SYNE3: variants seen among roughly 807,000 people sequenced by gnomAD.
SYNE3 encodes the protein nesprin-3.
A neutral mutation model predicts 111.2 loss-of-function variants in SYNE3; 100 were observed. That is an observed-to-expected ratio of 0.90 (90% CI 0.77 to 1.06). The LOEUF (loss-of-function observed/expected upper bound fraction) is 1.06. SYNE3 is among the 50% of genes least tolerant of loss of function. The pLI is 0.00. For missense variants in SYNE3, 1,160 were observed against 1,240.3 expected, an observed-to-expected ratio of 0.94 and a Z score of 0.97; for synonymous variants, 547 against 533.9, an observed-to-expected ratio of 1.02 and a Z score of -0.34.
At chr14:95,476,890 C>A (rs57813737) in intron 1 of SYNE3, among the ~76,000 whole-genome samples, 34,548 of 152,116 alleles carry the variant, frequency 0.23, 4,202 homozygotes, top group East Asian at 0.41. Flanking sequence ...AACCCACATG[C>A]CTAATTATAG....
chr14:95,420,680 C>A (rs1053750840), intron 17 of SYNE3, among the ~76,000 whole-genome samples: 1 of 151,890 alleles, frequency 6.6e-6, no homozygotes, highest in African/African-American at 2.4e-5. Flanking sequence ...AAATAAGACA[C>A]CTTTCAATAT....
At chr14:95,472,571 A>G (rs947666047) in intron 2 of SYNE3, among the ~76,000 whole-genome samples, 1 of 152,184 alleles carries the variant, frequency 6.6e-6, no homozygotes, top group Non-Finnish European at 1.5e-5. Flanking sequence ...AAGCATGTCT[A>G]TAAATGATCC....
intron 2 of SYNE3, among the ~76,000 whole-genome samples, chr14:95,468,528 G>A (rs1888333181): frequency 6.6e-6 from 1 of 152,194 alleles, no homozygotes; most frequent in South Asian, 2.1e-4. Flanking sequence ...CTGGGACACT[G>A]AAGCAGCTCC....
intron 14 of SYNE3, 46 bp from the exon 15 acceptor site, chr14:95,437,027 C>T (rs763509790): frequency 6.2e-7 from 1 of 1,611,816 alleles, no homozygotes; most frequent in Non-Finnish European, 8.5e-7. Context: ...AAAGAGCCCC[C>T]CTGGCCATGT....
intron 1 of SYNE3, among the ~76,000 whole-genome samples, chr14:95,477,139 A>T (rs1057148070): frequency 1.3e-5 from 2 of 152,366 alleles, no homozygotes; most frequent in Admixed American, 6.5e-5. Flanking sequence ...GCTCATGCCT[A>T]TAATTCCAGA....
At chr14:95,452,668 C>A (rs1320602967) in intron 6 of SYNE3, among the ~76,000 whole-genome samples, 2 of 152,202 alleles carry the variant, frequency 1.3e-5, no homozygotes, top group Non-Finnish European at 2.9e-5. Flanking sequence ...CCTAATGGTA[C>A]AAATAACTAA....
intron 17 of SYNE3, among the ~76,000 whole-genome samples, chr14:95,425,401 G>A (rs553748437): frequency 6.6e-5 from 10 of 152,318 alleles, no homozygotes; most frequent in Non-Finnish European, 1.2e-4. Context: ...AAGGCAAACC[G>A]TGGAGACAGC....
intron 2 of SYNE3, among the ~76,000 whole-genome samples, chr14:95,471,450 T>A (rs577411810): frequency 6.6e-6 from 1 of 152,094 alleles, no homozygotes; most frequent in African/African-American, 2.4e-5. Flanking sequence ...AGGGAGTGAG[T>A]TTGATGCTTC....
chr14:95,505,508 C>G (rs890077871), intron 1 of SYNE3, among the ~76,000 whole-genome samples: 1 of 152,156 alleles, frequency 6.6e-6, no homozygotes, highest in Non-Finnish European at 1.5e-5. Flanking sequence ...CATCTAGTTC[C>G]GCTTCTTCAC....
chr14:95,493,897 A>G (rs1057257123), intron 1 of SYNE3, among the ~76,000 whole-genome samples: 2 of 152,114 alleles, frequency 1.3e-5, no homozygotes, highest in African/African-American at 2.4e-5. Context: ...ATTTTTTTTT[A>G]ATTTTATACT....
intron 2 of SYNE3, among the ~76,000 whole-genome samples, chr14:95,472,625 T>C (rs924982650): frequency 2.0e-5 from 3 of 152,076 alleles, no homozygotes; most frequent in Non-Finnish European, 2.9e-5. Context: ...GCTATCACTC[T>C]CCCCGGAAGC....
chr14:95,418,554 T>C (rs948849279), intron 17 of SYNE3, among the ~76,000 whole-genome samples: 1 of 152,140 alleles, frequency 6.6e-6, no homozygotes, highest in African/African-American at 2.4e-5. Context: ...TTCTTCCTCC[T>C]CTTGTCTTTC....
Position 95,410,903 on chromosome 14 carries a change from T to G in SYNE3, c.*6923A>C, listed in dbSNP as rs1903417676. 6.6e-6 allele frequency: 1 copy of G among 152,360 alleles called. No individual in the cohort carries two copies. The highest frequency in any genetic ancestry group is 2.4e-5 in the African/African-American group (1 of 41,434). 9.4% of individuals were successfully genotyped at this position (152,360 alleles called of 1,614,324 possible). A position where few individuals can be genotyped will look rare whatever the true frequency, so the allele number is the denominator to read the frequency against. On this transcript the variant is annotated 3_prime_UTR_variant, in exon 18 of 18. Coordinates refer to ENST00000682763, the MANE Select transcript of SYNE3 (RefSeq NM_152592.6). ...TAGGTGGGGGGAGGTGGTAAGGAAC[T>G]GGACCAATGTCACACAGCCCATCAG... is the stretch of plus-strand genomic sequence containing the variant.
intron 2 of SYNE3, among the ~76,000 whole-genome samples, chr14:95,469,191 T>C (rs749957272): frequency 4.6e-5 from 7 of 152,138 alleles, no homozygotes; most frequent in Non-Finnish European, 1.0e-4. Flanking sequence ...GTGGTCAGTG[T>C]CCTTAGACTG....
intron 1 of SYNE3, chr14:95,516,199 C>G (rs931188962): frequency 1.3e-5 from 2 of 152,296 alleles, no homozygotes; most frequent in African/African-American, 4.8e-5. Flanking sequence ...GGGCCCCCGC[C>G]GCGCGCAAGC....
At chr14:95,515,330 C>T (rs1050821237) in intron 1 of SYNE3, among the ~76,000 whole-genome samples, 3 of 152,244 alleles carry the variant, frequency 2.0e-5, no homozygotes, top group Non-Finnish European at 4.4e-5. Flanking sequence ...GGCACAGTGA[C>T]AGGAAACTGA....
At chr14:95,434,248 C>T (rs112416048) in intron 15 of SYNE3, among the ~76,000 whole-genome samples, 2,017 of 152,114 alleles carry the variant, frequency 0.013, 51 homozygotes, top group African/African-American at 0.046. Context: ...TGAGGCACAC[C>T]GGGCCACAAC....
intron 2 of SYNE3, among the ~76,000 whole-genome samples, chr14:95,473,850 G>C (rs1044492203): frequency 6.7e-6 from 1 of 150,278 alleles, no homozygotes; most frequent in Non-Finnish European, 1.5e-5. Flanking sequence ...GACAGTGGCT[G>C]GAGCTAAGGC....
chr14:95,480,204 G>T (rs1420152828), intron 1 of SYNE3, among the ~76,000 whole-genome samples: 2 of 152,364 alleles, frequency 1.3e-5, no homozygotes. Flanking sequence ...GCTGCAGGCA[G>T]CGGGAGAGTA....
Sources: allele counts gnomAD v4.1 joint callset (sites outside exome capture counted in the v4.1 genomes callset), GRCh38; gene constraint gnomAD v4.1.1; transcripts MANE v1.5; gene names NCBI Gene and HGNC (gene_info 2026-07-23, HGNC 2026-07-21).